The following LRP6 variants were observed in gnomAD, a reference collection of about 807,000 sequenced individuals.
LRP6 encodes low-density lipoprotein receptor-related protein 6.
A neutral mutation model predicts 184.1 loss-of-function variants in LRP6; 43 were observed. That is an observed-to-expected ratio of 0.23 (90% CI 0.18 to 0.30). The LOEUF (loss-of-function observed/expected upper bound fraction) is 0.30. Among genes scored for constraint, LRP6 ranks in the 10% least tolerant of loss-of-function variants. LRP6 has a pLI of 1.00. For synonymous variants in LRP6, 719 were observed against 684.9 expected, an observed-to-expected ratio of 1.05 and a Z score of -0.78; for missense variants, 1,571 against 2,005.3, an observed-to-expected ratio of 0.78 and a Z score of 4.14.
chr12:12,212,748 G>T (rs1442273219), intron 2 of LRP6, among the ~76,000 whole-genome samples: 1 of 152,120 alleles, frequency 6.6e-6, no homozygotes, highest in Non-Finnish European at 1.5e-5. Context: ...CTCATAGAGA[G>T]AATTTTATTT....
intron 7 of LRP6, among the ~76,000 whole-genome samples, chr12:12,171,655 A>G (rs556508596): frequency 6.6e-6 from 1 of 152,370 alleles, no homozygotes; most frequent in Non-Finnish European, 1.5e-5. Flanking sequence ...AGCTTAAACA[A>G]TATCTGACTG....
intron 12 of LRP6, among the ~76,000 whole-genome samples, chr12:12,152,512 C>T (rs1487545165): frequency 6.6e-6 from 1 of 152,072 alleles, no homozygotes; most frequent in African/African-American, 2.4e-5. Context: ...GTCTCGAACT[C>T]CTGACCTCGT....
intron 2 of LRP6, among the ~76,000 whole-genome samples, chr12:12,212,683 C>T (rs532457217): frequency 2.6e-5 from 4 of 152,246 alleles, no homozygotes; most frequent in Admixed American, 2.6e-4. Context: ...CTAGAATATC[C>T]TGTCACTCAA....
chr12:12,155,208 A>C (rs543714305), intron 12 of LRP6: 5 of 635,224 alleles, frequency 7.9e-6, no homozygotes, highest in Non-Finnish European at 1.5e-5. Flanking sequence ...ACAAACAAAC[A>C]AACAAACAAA....
rs532915921 is a variant in LRP6, at chr12:12,128,053, C to T, written c.4082-1132G>A. Among the ~76,000 whole-genome samples, 6 of 152,286 alleles carry T rather than the reference C, an allele frequency of 3.9e-5. No homozygotes were observed. In the East Asian group the frequency reaches 1.2e-3, roughly 29 times the overall value. ...GCTTCAGGAAAGAAAAGTTTACATT[C>T]ACTACCCTCAATCCCTAGCCTCTGG... On this transcript the variant is annotated intron_variant, in intron 19 of 22. Transcript: ENST00000261349.
At chr12:12,206,131 G>GT (rs1352625634) in intron 2 of LRP6, among the ~76,000 whole-genome samples, 8 of 152,136 alleles carry the variant, frequency 5.3e-5, no homozygotes, top group Non-Finnish European at 1.0e-4. Flanking sequence ...TACCATCTAG[G>GT]TTTGTGTAAC....
At chr12:12,139,203 G>A (rs1006740593) in intron 15 of LRP6, among the ~76,000 whole-genome samples, 6 of 152,014 alleles carry the variant, frequency 3.9e-5, no homozygotes, top group South Asian at 2.1e-4. Flanking sequence ...GAAAGTTCAC[G>A]GTTCCTAAGT....
intron 22 of LRP6, among the ~76,000 whole-genome samples, chr12:12,121,894 G>A (rs1027407838): frequency 6.6e-6 from 1 of 151,952 alleles, no homozygotes; most frequent in Non-Finnish European, 1.5e-5. Flanking sequence ...TCTTTCTTCT[G>A]TACAATTCTG....
chr12:12,135,443 T>TTTA (rs904906201), intron 16 of LRP6, 143 bp from the exon 17 acceptor site: 86 of 454,744 alleles, frequency 1.9e-4, no homozygotes, highest in Non-Finnish European at 7.0e-5. Flanking sequence ...TTTTTTTACT[T>TTTA]TTATTATTAT....
intron 2 of LRP6, among the ~76,000 whole-genome samples, chr12:12,232,316 A>G (rs1864812854): frequency 1.3e-5 from 2 of 151,528 alleles, no homozygotes; most frequent in African/African-American, 4.9e-5. Flanking sequence ...CCCAGGAGGC[A>G]GAGCCTGCAG....
chr12:12,207,310 A>G (rs997727286), intron 2 of LRP6, among the ~76,000 whole-genome samples: 3 of 152,072 alleles, frequency 2.0e-5, no homozygotes, highest in Non-Finnish European at 4.4e-5. Flanking sequence ...CAAGGTCAAG[A>G]GGTCAAGACC....
At chr12:12,218,932 A>G (rs1864417519) in intron 2 of LRP6, among the ~76,000 whole-genome samples, 1 of 152,224 alleles carries the variant, frequency 6.6e-6, no homozygotes, top group Non-Finnish European at 1.5e-5. Flanking sequence ...TAAAAATGGT[A>G]GAGCAAGTTT....
At chr12:12,163,751 G>A (rs1208387405) in intron 9 of LRP6, among the ~76,000 whole-genome samples, 1 of 152,152 alleles carries the variant, frequency 6.6e-6, no homozygotes, top group African/African-American at 2.4e-5. Context: ...GGAAGACTAT[G>A]GCTTGCAGAT....
chr12:12,197,098 CTCTAA>C (rs144493099), intron 3 of LRP6, among the ~76,000 whole-genome samples: 1,547 of 152,302 alleles, frequency 0.01, 28 homozygotes, highest in African/African-American at 0.035. Flanking sequence ...TCCTATCATG[CTCTAA>C]TCTAAGAGTA....
Position 12,178,378 on chromosome 12 carries a change from G to C in LRP6, c.1545+1432C>G, listed in dbSNP as rs189145370. Among the ~76,000 whole-genome samples the C allele has an allele frequency of 2.5e-3, 377 of 152,170 alleles. 1 individual carries two copies. Among genetic ancestry groups the C allele is most frequent in the Middle Eastern group, 6.8e-3 (2 of 294 alleles). On this transcript the variant is annotated intron_variant, in intron 7 of 22. Coordinates refer to ENST00000261349, the MANE Select transcript of LRP6 (RefSeq NM_002336.3). Reference sequence around the variant, plus strand: ...TCAGTCAGTTATAGCAGACTAAGATGGGCAAAACCAAATACGGAATTTTAA... The same window carrying C: ...TCAGTCAGTTATAGCAGACTAAGATCGGCAAAACCAAATACGGAATTTTAA...
intron 12 of LRP6, among the ~76,000 whole-genome samples, chr12:12,151,652 A>G (rs1339404696): frequency 2.0e-5 from 3 of 152,168 alleles, no homozygotes; most frequent in African/African-American, 7.2e-5. Flanking sequence ...AATACTTTAG[A>G]AACTGTAAGG....
At chr12:12,177,264 G>A (rs1469246001) in intron 7 of LRP6, among the ~76,000 whole-genome samples, 2 of 152,142 alleles carry the variant, frequency 1.3e-5, no homozygotes, top group Non-Finnish European at 2.9e-5. Flanking sequence ...AAAAGCTAGG[G>A]AGCTTTCTAA....
At chr12:12,172,234 A>G (rs1863066211) in intron 7 of LRP6, among the ~76,000 whole-genome samples, 1 of 152,238 alleles carries the variant, frequency 6.6e-6, no homozygotes, top group African/African-American at 2.4e-5. Flanking sequence ...ACACTGTGGC[A>G]CATTGGTTTA....
At chr12:12,236,938 T>C (rs887142661) in intron 2 of LRP6, among the ~76,000 whole-genome samples, 4 of 152,042 alleles carry the variant, frequency 2.6e-5, no homozygotes, top group Non-Finnish European at 5.9e-5. Flanking sequence ...GCTTTTTATA[T>C]AGGTATGACT....
Sources: gnomAD v4.1 joint callset for allele counts (sites outside exome capture counted in the v4.1 genomes callset) on GRCh38, gnomAD v4.1.1 for gene constraint, MANE v1.5 for transcripts, NCBI Gene and HGNC (gene_info 2026-07-23, HGNC 2026-07-21) for gene names.